ABCC1: variants seen among roughly 807,000 people sequenced by gnomAD.
ABCC1 encodes the protein ATP binding cassette subfamily C member 1 (ABCC1 blood group).
In ABCC1, 83 loss-of-function variants were observed where a neutral mutation model predicts 172.9. The ratio of observed to expected loss-of-function variants is 0.48; its 90% CI spans 0.40 to 0.58. The LOEUF (loss-of-function observed/expected upper bound fraction) is 0.58, where lower values mean the gene tolerates loss of function less well. Among genes scored for constraint, ABCC1 ranks in the 20% least tolerant of loss-of-function variants. The pLI, the probability that ABCC1 is intolerant of heterozygous loss-of-function variation, is 0.00. For missense variants in ABCC1, 1,817 were observed against 2,002.7 expected, an observed-to-expected ratio of 0.91 and a Z score of 1.77; for synonymous variants, 937 against 825.2, an observed-to-expected ratio of 1.14 and a Z score of -2.32.
Position 16,033,102 on chromosome 16 carries a change from C to T in ABCC1, c.616-7C>T. The T allele has an allele frequency of 6.2e-7, 1 of 1,613,986 alleles. No homozygotes were observed. The highest frequency in any genetic ancestry group is 8.5e-7 in the Non-Finnish European group (1 of 1,179,878). ...TTCCTCCCAAACCTGTGCTTTCTTT[C>T]CACTAGAATCCCTGCCCAGAGTCCA... On this transcript the variant is annotated splice_polypyrimidine_tract_variant and splice_region_variant and intron_variant, in intron 5 of 30. Transcript: ENST00000399410.
chr16:16,035,680 A>C (rs906658576), intron 6 of ABCC1, among the ~76,000 whole-genome samples: 7 of 151,472 alleles, frequency 4.6e-5, no homozygotes, highest in African/African-American at 1.7e-4. Context: ...TACTTTTCGT[A>C]GAGATAGTCT....
chr16:16,104,586 C>A (rs902290375), intron 20 of ABCC1, among the ~76,000 whole-genome samples: 1 of 152,226 alleles, frequency 6.6e-6, no homozygotes, highest in African/African-American at 2.4e-5. Context: ...GCACCAGACT[C>A]AGGAGCCCAG....
At chr16:16,047,082 C>T (rs115291557) in intron 9 of ABCC1, among the ~76,000 whole-genome samples, 352 of 152,154 alleles carry the variant, frequency 2.3e-3, no homozygotes, top group African/African-American at 8.0e-3. Flanking sequence ...CCTGTAGTCC[C>T]GTCTACTCAG....
At chr16:16,071,861 C>A in intron 14 of ABCC1, 132 bp downstream of exon 14, 1 of 796,746 alleles carries the variant, frequency 1.3e-6, no homozygotes, top group South Asian at 1.6e-5. Context: ...CTGCGAGACC[C>A]CGGGGGACAA....
chr16:16,034,306 C>T (rs151320625), intron 6 of ABCC1, among the ~76,000 whole-genome samples: 4 of 151,638 alleles, frequency 2.6e-5, no homozygotes, highest in East Asian at 3.9e-4. Context: ...GGATTACAGG[C>T]GTGAACCACC....
At chr16:16,100,812 T>G (rs746419610) in intron 19 of ABCC1, among the ~76,000 whole-genome samples, 1 of 152,168 alleles carries the variant, frequency 6.6e-6, no homozygotes, top group Non-Finnish European at 1.5e-5. Flanking sequence ...TGTTCCTGTT[T>G]TGCAGATGTG....
At chr16:16,116,572 T>G (rs955952222) in intron 23 of ABCC1, among the ~76,000 whole-genome samples, 1 of 151,086 alleles carries the variant, frequency 6.6e-6, no homozygotes, top group Non-Finnish European at 1.5e-5. Context: ...TTTTATTACT[T>G]TTTTTTTTGA....
rs1228532784 is a variant in ABCC1 at position 15,999,769 on chromosome 16, T to TTCTC, written c.49-8010_49-8007dup. On this transcript the variant is annotated intron_variant, in intron 1 of 30. Coordinates refer to ENST00000399410, the MANE Select transcript of ABCC1 (RefSeq NM_004996.4). ...GTGTGAGCCTCTGTGCCCGGCCTCT[T>TTCTC]TCTCTCTCTCTCTCTCTCTCTCTCT... Among the ~76,000 whole-genome samples, 111 of 25,360 alleles carry TTCTC rather than the reference T, an allele frequency of 4.4e-3. 23 individuals are homozygous for TTCTC. Among genetic ancestry groups the TTCTC allele is most frequent in the South Asian group, 0.02 (10 of 506 alleles). The allele number at this position is 25,360 out of a possible 152,430, so 16.6% of individuals were successfully genotyped here.
intron 21 of ABCC1, among the ~76,000 whole-genome samples, chr16:16,107,672 AACC>A (rs1404877390): frequency 2.0e-5 from 3 of 152,090 alleles, no homozygotes; most frequent in Non-Finnish European, 4.4e-5. Context: ...TCAACCTATC[AACC>A]ACTATCCTCT....
At chr16:16,086,743 A>G in intron 17 of ABCC1, 81 bp from the exon 18 acceptor site, 1 of 1,527,288 alleles carries the variant, frequency 6.5e-7, no homozygotes, top group South Asian at 1.2e-5. Context: ...TTCTGGGATC[A>G]CACCACACTC....
At chr16:16,000,280 G>A (rs943384792) in intron 1 of ABCC1, among the ~76,000 whole-genome samples, 1 of 152,012 alleles carries the variant, frequency 6.6e-6, no homozygotes, top group African/African-American at 2.4e-5. Flanking sequence ...CTGAGTAGCT[G>A]GGATTATAGG....
At position 16,016,518 on chromosome 16, in the gene ABCC1, G is replaced by A. The variant is rs559703047; in HGVS notation, c.512G>A (p.Arg171His). 1.7e-5 allele frequency: 28 copies of A among 1,614,036 alleles called. No homozygotes were observed. The South Asian group carries it at 2.1e-4, about 12-fold the overall frequency. Residue 171 changes from arginine (R) to histidine (H), a missense_variant, in exon 5 of 31, where the codon CGT becomes CAT. Around this residue, in one of 3 missense-constraint regions of ABCC1, gnomAD observed 398 missense variants for 384.2 expected, o/e 1.04. Transcript: ENST00000399410. ...LKEDAQVDLFRDITFYVYFSL... is the reference protein window; with the variant it reads ...LKEDAQVDLFHDITFYVYFSL... Reference sequence around the variant, plus strand: ...TAGGATGCCCAGGTGGACCTGTTTCGTGACATCACTTTCTACGTCTACTTT... The same window carrying A: ...TAGGATGCCCAGGTGGACCTGTTTCATGACATCACTTTCTACGTCTACTTT...
At position 16,030,198 on chromosome 16, in the gene ABCC1, T is replaced by C. The variant is rs140130902; in HGVS notation, c.616-2911T>C. On this transcript the variant is annotated intron_variant, in intron 5 of 30. Transcript: ENST00000399410. Reference sequence around the variant, plus strand: ...ACTGACAACATCAGATGTTTCTCTTTATTTCCAGCGTCAATATGAAATTTG... The same window carrying C: ...ACTGACAACATCAGATGTTTCTCTTCATTTCCAGCGTCAATATGAAATTTG... Among the ~76,000 whole-genome samples the C allele has an allele frequency of 2.1e-3, 318 of 152,320 alleles. 1 individual carries two copies. The highest frequency in any genetic ancestry group is 0.02 in the Middle Eastern group (6 of 294).
intron 20 of ABCC1, chr16:16,106,434 A>G (rs1365692584): frequency 5.3e-6 from 1 of 189,666 alleles, no homozygotes; most frequent in Non-Finnish European, 1.0e-5. Context: ...AAAAAAAAGC[A>G]CGCACTTTTT....
rs185226276 is a variant in ABCC1 at position 16,021,893 on chromosome 16, C to T, written c.615+5272C>T. On this transcript the variant is annotated intron_variant, in intron 5 of 30. Coordinates refer to ENST00000399410, the MANE Select transcript of ABCC1 (RefSeq NM_004996.4). ...GACGTCAGCAGCCCCTTCTTGAAAA[C>T]GGGTTGCAACTCGATTTGTTGTTGG... 3.3e-3 allele frequency among the ~76,000 whole-genome samples: 508 copies of T among 152,244 alleles called. 6 individuals carry two copies. The highest frequency in any genetic ancestry group is 3.4e-3 in the Middle Eastern group (1 of 294).
intron 7 of ABCC1, 115 bp from the exon 8 acceptor site, chr16:16,044,335 C>A: frequency 2.2e-6 from 2 of 910,450 alleles, no homozygotes; most frequent in South Asian, 1.6e-5. Context: ...TTTCCCTGGG[C>A]TTGTTGTCTT....
intron 12 of ABCC1, among the ~76,000 whole-genome samples, chr16:16,061,150 C>T (rs2049892181): frequency 1.3e-5 from 2 of 152,192 alleles, no homozygotes; most frequent in South Asian, 2.1e-4. Context: ...GTCTCAAACT[C>T]CTGGCCTCTA....
At chr16:16,068,432 G>T in intron 13 of ABCC1, 130 bp downstream of exon 13, 1 of 1,062,054 alleles carries the variant, frequency 9.4e-7, no homozygotes, top group South Asian at 1.5e-5. Flanking sequence ...CCGGACAAAG[G>T]CTGCCATGCT....
Position 16,016,602 on chromosome 16 carries a change from C to A in ABCC1, c.596C>A (p.Ser199Ter). ...SCFSDRSPLF[S>*]ETIHDPNPCP... is the part of the protein sequence containing the mutation. ...TTCTCAGATCGCTCACCCCTGTTCT[C>A]GGAAACCATCCACGACCCTGTAAGT... The change falls in exon 5 of 31, where the codon TCG becomes TAG. Residue 199 changes from serine to a stop codon, truncating the protein, a stop_gained. Coordinates refer to ENST00000399410, the MANE Select transcript of ABCC1 (RefSeq NM_004996.4). LOFTEE classifies it high-confidence loss of function. 1 of 1,614,178 alleles carries A rather than the reference C, an allele frequency of 6.2e-7. No homozygotes were observed. Among genetic ancestry groups the A allele is most frequent in the Non-Finnish European group, 8.5e-7 (1 of 1,180,042 alleles).
Sources: allele counts gnomAD v4.1 joint callset (sites outside exome capture counted in the v4.1 genomes callset), GRCh38; gene constraint gnomAD v4.1.1; regional missense constraint gnomAD v4.1.1; transcripts MANE v1.5; gene names NCBI Gene and HGNC (gene_info 2026-07-23, HGNC 2026-07-21).